CACNB4: variants seen among roughly 807,000 people sequenced by gnomAD.
CACNB4 encodes the protein voltage-dependent L-type calcium channel subunit beta-4.
In CACNB4, 32 loss-of-function variants were observed where a neutral mutation model predicts 71.2. The observed-to-expected ratio is 0.45, with a 90% CI of 0.34 to 0.60. CACNB4 has a LOEUF of 0.60. CACNB4 is among the 20% of genes least tolerant of loss of function. The pLI, the probability that CACNB4 is intolerant of heterozygous loss-of-function variation, is 0.01. For missense variants in CACNB4, 464 were observed against 647.9 expected (o/e 0.72, Z 3.08); for synonymous variants, 231 against 236.9 (o/e 0.97, Z 0.23).
chr2:152,039,099 T>C (rs1327880631), intron 2 of CACNB4, among the ~76,000 whole-genome samples: 1 of 152,062 alleles, frequency 6.6e-6, no homozygotes, highest in Non-Finnish European at 1.5e-5. Flanking sequence ...GCAAGAAACA[T>C]AGTTTTCTGA....
At chr2:151,859,801 G>A (rs146243833) in intron 10 of CACNB4, 1 of 152,266 alleles carries the variant, frequency 6.6e-6, no homozygotes, top group African/African-American at 2.4e-5. Context: ...ATAATATTTT[G>A]TACCTTCTTT....
chr2:151,873,195 T>C (rs1389560436), intron 5 of CACNB4: 1 of 152,192 alleles, frequency 6.6e-6, no homozygotes, highest in Non-Finnish European at 1.5e-5. Flanking sequence ...GACAGCGGCA[T>C]TGGGGAGACA....
At chr2:152,005,394 G>A (rs889172893) in intron 2 of CACNB4, among the ~76,000 whole-genome samples, 6 of 152,228 alleles carry the variant, frequency 3.9e-5, no homozygotes, top group Non-Finnish European at 8.8e-5. Context: ...GCAGGAGGCT[G>A]TCATCCTAAG....
chr2:151,834,477 C>T lies in CACNB4; in HGVS notation c.*4642G>A, dbSNP rs2099834460. The stretch of plus-strand genomic sequence containing the variant: ...CATAATGTCCCTCAATTACATGAAG[C>T]ATTTAGAATTAATCATTACAAGTAA... On this transcript the variant is annotated 3_prime_UTR_variant, in exon 14 of 14. Transcript: ENST00000539935. 6.6e-6 allele frequency: 1 copy of T among 151,908 alleles called. No homozygotes were observed. The highest frequency in any genetic ancestry group is 2.4e-5 in the African/African-American group (1 of 41,406). 9.4% of individuals were successfully genotyped at this position (151,908 alleles called of 1,614,324 possible).
At chr2:151,988,191 G>A (rs933555883) in intron 2 of CACNB4, among the ~76,000 whole-genome samples, 3 of 152,042 alleles carry the variant, frequency 2.0e-5, no homozygotes, top group Non-Finnish European at 4.4e-5. Flanking sequence ...AAAAGTCAAA[G>A]TGGACAACGG....
intron 2 of CACNB4, among the ~76,000 whole-genome samples, chr2:152,029,223 G>A (rs1485309771): frequency 1.3e-5 from 2 of 151,964 alleles, no homozygotes; most frequent in Non-Finnish European, 2.9e-5. Context: ...GGCTAGGCGT[G>A]GTGGCTCACG....
intron 2 of CACNB4, among the ~76,000 whole-genome samples, chr2:152,041,321 A>G (rs746329693): frequency 6.6e-6 from 1 of 152,210 alleles, no homozygotes; most frequent in Non-Finnish European, 1.5e-5. Context: ...TAAACTATGA[A>G]TTTAGAAGTC....
intron 2 of CACNB4, among the ~76,000 whole-genome samples, chr2:151,997,749 T>G (rs1682146482): frequency 6.6e-6 from 1 of 152,146 alleles, no homozygotes; most frequent in Admixed American, 6.5e-5. Flanking sequence ...TTCTGACCCC[T>G]ACAACTGTGA....
chr2:151,964,019 A>T (rs1184857573), intron 2 of CACNB4, among the ~76,000 whole-genome samples: 1 of 149,562 alleles, frequency 6.7e-6, no homozygotes. Flanking sequence ...CAGCGAGCCA[A>T]GATCGTGCCA....
chr2:151,842,177 T>A, intron 12 of CACNB4, 89 bp from the exon 13 acceptor site: 1 of 1,081,356 alleles, frequency 9.2e-7, no homozygotes, highest in Non-Finnish European at 1.4e-6. Context: ...TAATAGCATT[T>A]TTAATAGCTA....
At chr2:152,071,397 A>G (rs1686681906) in intron 2 of CACNB4, among the ~76,000 whole-genome samples, 1 of 152,246 alleles carries the variant, frequency 6.6e-6, no homozygotes, top group African/African-American at 2.4e-5. Flanking sequence ...TCTGGCAAAC[A>G]GCCATTTGCA....
intron 2 of CACNB4, among the ~76,000 whole-genome samples, chr2:152,085,357 T>C (rs1426460133): frequency 2.0e-4 from 30 of 152,154 alleles, no homozygotes. Context: ...CAAATTCCCA[T>C]AATGTATGAA....
intron 2 of CACNB4, among the ~76,000 whole-genome samples, chr2:151,961,459 C>G (rs1268252108): frequency 6.6e-6 from 1 of 152,234 alleles, no homozygotes; most frequent in Non-Finnish European, 1.5e-5. Flanking sequence ...GTCAAAGCAA[C>G]AGTACAGGAA....
At chr2:151,960,520 C>T (rs1291696654) in intron 2 of CACNB4, among the ~76,000 whole-genome samples, 1 of 152,208 alleles carries the variant, frequency 6.6e-6, no homozygotes, top group Non-Finnish European at 1.5e-5. Context: ...TAACCACCAC[C>T]ATTGCGATCG....
rs2099844891 is a variant in CACNB4, at chr2:151,872,505, A to G, written c.522-12T>C. 1 of 1,464,576 alleles carries G rather than the reference A, an allele frequency of 6.8e-7. No homozygotes were observed. Among genetic ancestry groups the G allele is most frequent in the Non-Finnish European group, 9.5e-7 (1 of 1,047,132 alleles). 90.7% of individuals were successfully genotyped at this position (1,464,576 alleles called of 1,614,324 possible). The stretch of plus-strand genomic sequence containing the variant: ...TTCCACTTGATTTCCTAGGATATAG[A>G]AAAGGAACTAAAGACTCACTCCCCA... On this transcript the variant is annotated splice_polypyrimidine_tract_variant and intron_variant, in intron 5 of 13. Transcript: ENST00000539935.
intron 2 of CACNB4, among the ~76,000 whole-genome samples, chr2:151,888,299 T>C (rs1306877482): frequency 6.6e-6 from 1 of 152,194 alleles, no homozygotes; most frequent in Non-Finnish European, 1.5e-5. Context: ...TGGTAGCTCA[T>C]GCCTGAAATC....
chr2:152,090,687 A>G (rs1389765187), intron 2 of CACNB4, among the ~76,000 whole-genome samples: 1 of 152,012 alleles, frequency 6.6e-6, no homozygotes, highest in Non-Finnish European at 1.5e-5. Context: ...TTGAATCAGA[A>G]CTTACCTAAG....
At chr2:151,843,709 T>A (rs933075102) in intron 12 of CACNB4, among the ~76,000 whole-genome samples, 4 of 152,184 alleles carry the variant, frequency 2.6e-5, no homozygotes, top group Non-Finnish European at 5.9e-5. Context: ...CTCCCAGGAA[T>A]GAATCAAAGA....
rs149299058 is a variant in CACNB4 at position 151,987,628 on chromosome 2, T to C, written c.148-104258A>G. Among the ~76,000 whole-genome samples the C allele has an allele frequency of 3.2e-3, 491 of 152,348 alleles. 2 individuals are homozygous for C. In the South Asian group the frequency reaches 0.033, roughly 10 times the overall value. ...ACAGCACATATAGCCAAAAGTGTAA[T>C]CACAAGGTCACACATTCACATCTCA... On this transcript the variant is annotated intron_variant, in intron 2 of 13. Transcript: ENST00000539935.
Sources: gnomAD v4.1 joint callset for allele counts (sites outside exome capture counted in the v4.1 genomes callset) on GRCh38, gnomAD v4.1.1 for gene constraint, MANE v1.5 for transcripts, NCBI Gene and HGNC (gene_info 2026-07-23, HGNC 2026-07-21) for gene names.